The following HSF2 variants were observed in gnomAD, a reference collection of about 807,000 sequenced individuals.
HSF2 encodes heat shock transcription factor 2.
HSF2 carries 21 observed loss-of-function variants against 65.0 expected under a neutral mutation model. The ratio of observed to expected loss-of-function variants is 0.32; its 90% CI spans 0.23 to 0.47. HSF2 has a LOEUF of 0.47. HSF2 is among the 20% of genes least tolerant of loss of function. The probability of loss-of-function intolerance (pLI) is 1.00; values close to 1 mark genes in which losing one functional copy is unlikely to be tolerated. For synonymous variants in HSF2, 225 were observed against 219.1 expected (o/e 1.03, Z -0.24); for missense variants, 499 against 628.1 (o/e 0.79, Z 2.20).
rs992135182 is a variant in HSF2 at position 122,432,740 on chromosome 6, T to C, written c.*520T>C. 21 of 153,404 alleles carry C rather than the reference T, an allele frequency of 1.4e-4. No individual in the cohort carries two copies. Among genetic ancestry groups the C allele is most frequent in the African/African-American group, 4.8e-4 (20 of 41,590 alleles). 9.5% of individuals were successfully genotyped at this position (153,404 alleles called of 1,614,324 possible). A position where few individuals can be genotyped will look rare whatever the true frequency, so the allele number is the denominator to read the frequency against. On this transcript the variant is annotated 3_prime_UTR_variant, in exon 13 of 13. Transcript: ENST00000368455. The stretch of plus-strand genomic sequence containing the variant: ...CTTTTGGTTCAGAGAAGTTCATTTA[T>C]GTTCAAAGACGTTTATTCATGTTCA...
At chr6:122,422,342 T>G (rs766527902) in intron 8 of HSF2, 44 bp downstream of exon 8, 5 of 1,398,100 alleles carry the variant, frequency 3.6e-6, no homozygotes, top group Non-Finnish European at 5.0e-6. Flanking sequence ...ATTGATTACT[T>G]TTCTTATTAC....
chr6:122,399,815 C>G lies in HSF2; in HGVS notation c.78C>G (p.Phe26Leu). The G allele has an allele frequency of 6.2e-7, 1 of 1,611,894 alleles. No homozygotes were observed. The highest frequency in any genetic ancestry group is 8.5e-7 in the Non-Finnish European group (1 of 1,179,088). ...TGGAGGAAACCCACACTAACGAGTT[C>G]ATCACCTGGAGCCAGGTACGGTCAG... ...TLVEETHTNE[F>L]ITWSQNGQSF... Residue 26 changes from phenylalanine to leucine, a missense_variant, in exon 1 of 13, where the codon TTC (phenylalanine) becomes TTG (leucine). Physicochemically the swap from Phe to Leu is conservative, Grantham distance 22. Around this residue, in one of 2 missense-constraint regions of HSF2, gnomAD observed 150 missense variants for 234.6 expected, o/e 0.64. Coordinates refer to ENST00000368455, the MANE Select transcript of HSF2 (RefSeq NM_004506.4).
At chr6:122,416,389 G>C in intron 5 of HSF2, 93 bp downstream of exon 5, 1 of 722,916 alleles carries the variant, frequency 1.4e-6, no homozygotes, top group Non-Finnish European at 2.4e-6. Context: ...GTCTGTGATT[G>C]ATCTTAGTTT....
At chr6:122,417,822 A>C (rs1263562727) in intron 5 of HSF2, among the ~76,000 whole-genome samples, 1 of 152,204 alleles carries the variant, frequency 6.6e-6, no homozygotes, top group Non-Finnish European at 1.5e-5. Flanking sequence ...ATTAATTAAA[A>C]AAACTGAAGT....
chr6:122,412,808 G>A lies in HSF2; in HGVS notation c.330+44G>A, dbSNP rs765355539. 3.2e-6 allele frequency: 5 copies of A among 1,583,360 alleles called. No individual in the cohort carries two copies. The African/African-American group carries it at 4.0e-5, about 13-fold the overall frequency. On this transcript the variant is annotated intron_variant, in intron 3 of 12. Transcript: ENST00000368455. ...GAGCTAATTAGGGTATTGACCTGGA[G>A]TGTGCTTGGCCAAGATTTTTATTTC...
chr6:122,400,537 A>G (rs1773703859), intron 1 of HSF2, among the ~76,000 whole-genome samples: 1 of 152,230 alleles, frequency 6.6e-6, no homozygotes, highest in Admixed American at 6.5e-5. Flanking sequence ...CTGAACAGTT[A>G]CCAGCAGAGG....
chr6:122,418,583 T>C (rs1483146686), intron 5 of HSF2, among the ~76,000 whole-genome samples: 2 of 152,188 alleles, frequency 1.3e-5, no homozygotes, highest in Non-Finnish European at 2.9e-5. Context: ...AACATTAATC[T>C]TTATAGAATC....
intron 1 of HSF2, among the ~76,000 whole-genome samples, chr6:122,401,315 G>A (rs1173632410): frequency 6.6e-6 from 1 of 152,190 alleles, no homozygotes; most frequent in Non-Finnish European, 1.5e-5. Context: ...TTGACAAGAA[G>A]GATCAGTACA....
chr6:122,425,850 A>T lies in HSF2; in HGVS notation c.1177-2053A>T, dbSNP rs1774328260. 2.0e-5 allele frequency among the ~76,000 whole-genome samples: 3 copies of T among 152,036 alleles called. No homozygotes were observed. In the South Asian group the frequency reaches 6.2e-4, roughly 31 times the overall value. ...AGCTCTTAACATTTTTCTAAAGTAAACTGGACTTGAATTCTAATTCCGTTA... is the reference window on the plus strand; with the variant it reads ...AGCTCTTAACATTTTTCTAAAGTAATCTGGACTTGAATTCTAATTCCGTTA... On this transcript the variant is annotated intron_variant, in intron 10 of 12. Coordinates refer to ENST00000368455, the MANE Select transcript of HSF2 (RefSeq NM_004506.4).
chr6:122,402,453 A>C (rs940297993), intron 1 of HSF2, among the ~76,000 whole-genome samples: 2 of 152,210 alleles, frequency 1.3e-5, no homozygotes, highest in African/African-American at 4.8e-5. Flanking sequence ...TTGATGAATA[A>C]ATGAAACCCT....
chr6:122,425,791 T>G (rs1374489085), intron 10 of HSF2, among the ~76,000 whole-genome samples: 1 of 152,086 alleles, frequency 6.6e-6, no homozygotes, highest in Non-Finnish European at 1.5e-5. Context: ...GAAGAGATTT[T>G]GGCTTGTAAG....
Position 122,412,453 on chromosome 6 carries a change from G to A in HSF2, c.174G>A (p.Met58Ile). The A allele has an allele frequency of 5.0e-6, 8 of 1,610,618 alleles. No homozygotes were observed. The highest frequency in any genetic ancestry group is 1.1e-5 in the South Asian group (1 of 90,952). The change falls in exon 2 of 13, where the codon ATG becomes ATA. Residue 58 changes from methionine to isoleucine, a missense_variant. Met to Ile is a conservative substitution (Grantham distance 10). Transcript: ENST00000368455. ...CCAAATATTTCAAGCACAATAATAT[G>A]GCAAGCTTTGTGAGGCAACTGAATA... ...ILPKYFKHNN[M>I]ASFVRQLNMY... is the part of the protein sequence containing the mutation.
At chr6:122,403,315 G>A (rs532866729) in intron 1 of HSF2, among the ~76,000 whole-genome samples, 6 of 152,202 alleles carry the variant, frequency 3.9e-5, no homozygotes, top group Admixed American at 2.6e-4. Flanking sequence ...CTTTAAGAAA[G>A]CATAATGTGG....
chr6:122,428,029 C>A, intron 11 of HSF2, 73 bp downstream of exon 11: 1 of 854,810 alleles, frequency 1.2e-6, no homozygotes, highest in Non-Finnish European at 1.9e-6. Flanking sequence ...AAGTAGAGAG[C>A]AATGTCACTC....
chr6:122,404,532 T>G (rs1773819359), intron 1 of HSF2, among the ~76,000 whole-genome samples: 1 of 152,216 alleles, frequency 6.6e-6, no homozygotes, highest in African/African-American at 2.4e-5. Flanking sequence ...AAAAATGTTT[T>G]AAAGTAATGT....
chr6:122,431,375 T>G lies in HSF2; in HGVS notation c.1231-55T>G, dbSNP rs977315153. On this transcript the variant is annotated intron_variant, in intron 11 of 12. Coordinates refer to ENST00000368455, the MANE Select transcript of HSF2 (RefSeq NM_004506.4). ...ACATATTGTATCAATTTTTCATTTTTTTCAGAAACATAAAATATGAAACAA... is the reference window on the plus strand; with the variant it reads ...ACATATTGTATCAATTTTTCATTTTGTTCAGAAACATAAAATATGAAACAA... The G allele has an allele frequency of 8.1e-6, 7 of 861,314 alleles. No homozygotes were observed. The African/African-American group carries it at 1.1e-4, about 13-fold the overall frequency. 53.4% of individuals were successfully genotyped at this position (861,314 alleles called of 1,614,324 possible). A position where few individuals can be genotyped will look rare whatever the true frequency, so the allele number is the denominator to read the frequency against.
rs189318009 is a variant in HSF2 at position 122,428,011 on chromosome 6, G to A, written c.1230+55G>A. On this transcript the variant is annotated intron_variant, in intron 11 of 12. Coordinates refer to ENST00000368455, the MANE Select transcript of HSF2 (RefSeq NM_004506.4). Reference sequence around the variant, plus strand: ...CATAGCTATAAAAATCTACAAAAACGTCCTAATAAGTAGAGAGCAATGTCA... The same window carrying A: ...CATAGCTATAAAAATCTACAAAAACATCCTAATAAGTAGAGAGCAATGTCA... 651 of 1,134,944 alleles carry A rather than the reference G, an allele frequency of 5.7e-4. 3 individuals carry two copies. Among genetic ancestry groups the A allele is most frequent in the Non-Finnish European group, 2.1e-4 (161 of 771,846 alleles). 70.3% of individuals were successfully genotyped at this position (1,134,944 alleles called of 1,614,324 possible).
At chr6:122,431,890 C>T in intron 12 of HSF2, 35 bp from the exon 13 acceptor site, 1 of 1,575,538 alleles carries the variant, frequency 6.3e-7, no homozygotes, top group Non-Finnish European at 8.6e-7. Flanking sequence ...TCAGTATAAG[C>T]TGGTGATAAA....
Position 122,399,948 on chromosome 6 carries a change from C to T in HSF2, c.93+118C>T, listed in dbSNP as rs997551098. On this transcript the variant is annotated intron_variant, in intron 1 of 12. Transcript: ENST00000368455. ...GACGCTGTCTGCGAGGCCCGCGGTG[C>T]GGGGCCTTGGCGTTCAGCCTCGCGG... 38 of 791,738 alleles carry T rather than the reference C, an allele frequency of 4.8e-5. No homozygotes were observed. The Admixed American group carries it at 8.6e-4, about 18-fold the overall frequency. 49.0% of individuals were successfully genotyped at this position (791,738 alleles called of 1,614,324 possible). A position where few individuals can be genotyped will look rare whatever the true frequency, so the allele number is the denominator to read the frequency against.
Sources: allele counts gnomAD v4.1 joint callset (sites outside exome capture counted in the v4.1 genomes callset), GRCh38; gene constraint gnomAD v4.1.1; regional missense constraint gnomAD v4.1.1; transcripts MANE v1.5; gene names NCBI Gene and HGNC (gene_info 2026-07-23, HGNC 2026-07-21).